SYNPO: variants seen among roughly 807,000 people sequenced by gnomAD.
SYNPO encodes synaptopodin.
SYNPO carries 19 observed loss-of-function variants against 49.5 expected under a neutral mutation model. That is an observed-to-expected ratio of 0.38 (90% CI 0.27 to 0.56). The LOEUF is 0.56. SYNPO is among the 20% of genes least tolerant of loss of function. The pLI is 0.68. For missense variants in SYNPO, 1,131 were observed against 1,248.3 expected, an observed-to-expected ratio of 0.91 and a Z score of 1.42; for synonymous variants, 536 against 548.0, an observed-to-expected ratio of 0.98 and a Z score of 0.31.
intron 2 of SYNPO, among the ~76,000 whole-genome samples, chr5:150,629,033 G>A (rs1757453804): frequency 6.6e-6 from 1 of 152,166 alleles, no homozygotes; most frequent in Admixed American, 6.5e-5. Context: ...TGGGTTGTTT[G>A]TTTGAGACAG....
At chr5:150,637,482 A>AC (rs891090798), upstream of SYNPO, among the ~76,000 whole-genome samples, 3 of 152,194 alleles carry the variant, frequency 2.0e-5, no homozygotes, top group African/African-American at 7.2e-5. Flanking sequence ...ACATGATTGC[A>AC]CCCGGCCCCT....
At position 150,650,244 on chromosome 5, in the gene SYNPO, C is replaced by G. The variant is rs755083144; in HGVS notation, c.1969C>G (p.Arg657Gly). ...GTCTCCCTCCAGGGCGTGGTCTCCC[C>G]GAGCCAAGCAGGCCCCCAGGCCCTC... ...PVSPSRAWSP[R>G]AKQAPRPSFS... is the part of the protein sequence containing the mutation. The change falls in exon 2 of 3, where the codon CGA (arginine) becomes GGA (glycine). Residue 657 changes from arginine to glycine, a missense_variant. This residue lies in a region of SYNPO where 509 missense variants were observed against 484.5 expected (regional missense o/e 1.05). Coordinates refer to ENST00000307662, the MANE Select transcript of SYNPO (RefSeq NM_007286.6). 25 of 1,613,870 alleles carry G rather than the reference C, an allele frequency of 1.5e-5. No homozygotes were observed. The highest frequency in any genetic ancestry group is 2.0e-5 in the Non-Finnish European group (24 of 1,180,036).
chr5:150,599,703 C>T (rs1198086321), upstream of SYNPO, among the ~76,000 whole-genome samples: 2 of 152,102 alleles, frequency 1.3e-5, no homozygotes, highest in African/African-American at 4.8e-5. Flanking sequence ...GCCTGGGGGT[C>T]GGCGGTGGGG....
chr5:150,656,308 G>T, intron 2 of SYNPO, 96 bp from the exon 3 acceptor site: 1 of 1,028,742 alleles, frequency 9.7e-7, no homozygotes, highest in East Asian at 2.9e-5. Context: ...TTCCCTTCTC[G>T]GTGTAATGGA....
intron 1 of SYNPO, among the ~76,000 whole-genome samples, chr5:150,646,080 A>T (rs143418701): frequency 6.6e-6 from 1 of 152,078 alleles, no homozygotes; most frequent in African/African-American, 2.4e-5. Context: ...CTATAATCTC[A>T]GCATTTTAGG....
Position 150,656,817 on chromosome 5 carries a change from T to C in SYNPO, c.2442T>C (p.Ala814=), listed in dbSNP as rs1399600966. 2.1e-6 allele frequency: 3 copies of C among 1,430,318 alleles called. No homozygotes were observed. Among genetic ancestry groups the C allele is most frequent in the Non-Finnish European group, 2.8e-6 (3 of 1,085,788 alleles). 88.6% of individuals were successfully genotyped at this position (1,430,318 alleles called of 1,614,324 possible). ...SPQPARPGSA[A]VPGAAFAPIP... ...AGCCCGCCCGCCCCGGCTCGGCTGCTGTGCCGGGGGCAGCCTTCGCGCCCA... is the reference window on the plus strand; with the variant it reads ...AGCCCGCCCGCCCCGGCTCGGCTGCCGTGCCGGGGGCAGCCTTCGCGCCCA... The change falls in exon 3 of 3, where the codon GCT becomes GCC. Residue 814 remains alanine (A), a synonymous_variant. Transcript: ENST00000307662.
intron 2 of SYNPO, chr5:150,624,663 A>T (rs1757288387): frequency 5.2e-6 from 1 of 192,516 alleles, no homozygotes; most frequent in African/African-American, 2.4e-5. Context: ...GGGAGCAGGC[A>T]GCAGGAGCAC....
At chr5:150,624,082 C>G (rs982471662) in intron 2 of SYNPO, among the ~76,000 whole-genome samples, 1 of 152,232 alleles carries the variant, frequency 6.6e-6, no homozygotes, top group African/African-American at 2.4e-5. Flanking sequence ...TGGCATTTTG[C>G]TCAGTGAAAG....
chr5:150,646,167 A>C (rs998102423), intron 1 of SYNPO, among the ~76,000 whole-genome samples: 2 of 115,152 alleles, frequency 1.7e-5, no homozygotes, highest in African/African-American at 1.0e-4. Context: ...CCTTCTCTAC[A>C]AAAAATACAA....
intron 2 of SYNPO, chr5:150,618,907 C>A: frequency 8.9e-7 from 1 of 1,117,930 alleles, no homozygotes; most frequent in Non-Finnish European, 1.3e-6. Flanking sequence ...AGATTAACAG[C>A]TGTGGAGAGA....
intron 2 of SYNPO, chr5:150,652,286 C>T (rs1280371522): frequency 1.0e-6 from 1 of 998,446 alleles, no homozygotes; most frequent in African/African-American, 1.7e-5. Flanking sequence ...CCAGGCTGAG[C>T]TCTGCCCCCA....
At chr5:150,601,888 A>G (rs1382144061) in intron 1 of SYNPO, among the ~76,000 whole-genome samples, 1 of 152,220 alleles carries the variant, frequency 6.6e-6, no homozygotes, top group East Asian at 1.9e-4. Context: ...GGAAAAGCTG[A>G]TAAGTAGAGC....
chr5:150,651,080 C>A, intron 2 of SYNPO: 3 of 1,141,398 alleles, frequency 2.6e-6, no homozygotes, highest in Non-Finnish European at 3.3e-6. Flanking sequence ...CTTGCTGTCA[C>A]CGCTCTAGGG....
At chr5:150,586,137 G>A in the SYNPO span, among the ~76,000 whole-genome samples, 1 of 152,252 alleles carries the variant, frequency 6.6e-6, no homozygotes, top group Non-Finnish European at 1.5e-5. Flanking sequence ...GTGCCAGGCA[G>A]AGGCTCCCCT....
At chr5:150,590,452 T>G in the SYNPO span, among the ~76,000 whole-genome samples, 1 of 152,168 alleles carries the variant, frequency 6.6e-6, no homozygotes, top group South Asian at 2.1e-4. Flanking sequence ...TCAGCTCTGG[T>G]GGTGATCAGA....
chr5:150,617,364 C>T (rs1443861808), intron 1 of SYNPO, among the ~76,000 whole-genome samples: 2 of 152,144 alleles, frequency 1.3e-5, no homozygotes, highest in Non-Finnish European at 2.9e-5. Context: ...GGGGCGATCT[C>T]GGTTCACTGC....
chr5:150,608,395 A>G (rs1756751970), intron 1 of SYNPO: 1 of 152,200 alleles, frequency 6.6e-6, no homozygotes, highest in Non-Finnish European at 1.5e-5. Context: ...CATGAAGTGA[A>G]GCTTCCTTGG....
intron 1 of SYNPO, among the ~76,000 whole-genome samples, chr5:150,612,364 A>G (rs1756871827): frequency 6.6e-6 from 1 of 152,216 alleles, no homozygotes; most frequent in South Asian, 2.1e-4. Context: ...GATATATATT[A>G]CGCATCTACA....
chr5:150,590,918 C>A, the SYNPO span, among the ~76,000 whole-genome samples: 3 of 152,188 alleles, frequency 2.0e-5, no homozygotes. Context: ...CAGTCCTGGT[C>A]TAAGAAGGGA....
Sources: gnomAD v4.1 joint callset for allele counts (sites outside exome capture counted in the v4.1 genomes callset) on GRCh38, gnomAD v4.1.1 for gene constraint, gnomAD v4.1.1 regional missense constraint, MANE v1.5 for transcripts, NCBI Gene and HGNC (gene_info 2026-07-23, HGNC 2026-07-21) for gene names.